Variants in AK5 observed in about 807,000 individuals in gnomAD.
AK5 encodes the protein adenylate kinase isoenzyme 5.
Under a neutral mutation model 69.5 loss-of-function variants are expected in AK5, and 27 were observed. The observed-to-expected ratio is 0.39, with a 90% CI of 0.29 to 0.54. The LOEUF is 0.54. Among genes scored for constraint, AK5 ranks in the 20% least tolerant of loss-of-function variants. AK5 has a pLI of 0.71. For synonymous variants in AK5, 260 were observed against 244.4 expected, an observed-to-expected ratio of 1.06 and a Z score of -0.60; for missense variants, 531 against 700.4, an observed-to-expected ratio of 0.76 and a Z score of 2.73.
chr1:77,390,406 T>G (rs190177254), intron 6 of AK5, among the ~76,000 whole-genome samples: 26 of 152,364 alleles, frequency 1.7e-4, no homozygotes, highest in Non-Finnish European at 2.9e-4. Flanking sequence ...CTACTGCATA[T>G]ATGTTGGATG....
chr1:77,482,524 G>C (rs532070668), intron 8 of AK5, among the ~76,000 whole-genome samples: 1 of 152,270 alleles, frequency 6.6e-6, no homozygotes, highest in African/African-American at 2.4e-5. Context: ...TGTAATCCCA[G>C]CACTTTGAAA....
chr1:77,497,260 C>G (rs1311248118), intron 10 of AK5, among the ~76,000 whole-genome samples: 1 of 152,034 alleles, frequency 6.6e-6, no homozygotes, highest in African/African-American at 2.4e-5. Flanking sequence ...AGACCATGAA[C>G]CCACCGGGAG....
At chr1:77,289,954 C>T (rs1243256152) in intron 2 of AK5, among the ~76,000 whole-genome samples, 1 of 149,226 alleles carries the variant, frequency 6.7e-6, no homozygotes, top group Non-Finnish European at 1.5e-5. Flanking sequence ...ATATTGGGTA[C>T]ACAAATTGTG....
chr1:77,351,052 G>A (rs182150354), intron 6 of AK5, among the ~76,000 whole-genome samples: 10 of 152,298 alleles, frequency 6.6e-5, no homozygotes, highest in Admixed American at 4.6e-4. Context: ...AAAGCACTGT[G>A]CAATAATTGG....
intron 6 of AK5, among the ~76,000 whole-genome samples, chr1:77,392,008 A>G (rs1648520476): frequency 2.0e-5 from 3 of 152,376 alleles, no homozygotes; most frequent in African/African-American, 7.2e-5. Flanking sequence ...CGTAGACTCC[A>G]ACATACTCCT....
intron 8 of AK5, among the ~76,000 whole-genome samples, chr1:77,475,923 G>A (rs752721386): frequency 6.6e-6 from 1 of 152,022 alleles, no homozygotes; most frequent in Non-Finnish European, 1.5e-5. Flanking sequence ...AGTTGAACAC[G>A]TATTTGAGAT....
intron 6 of AK5, among the ~76,000 whole-genome samples, chr1:77,390,885 C>T (rs1366250504): frequency 1.3e-5 from 2 of 152,112 alleles, no homozygotes; most frequent in Non-Finnish European, 2.9e-5. Context: ...TGTACAATCA[C>T]TTTGGAAGAA....
chr1:77,381,028 T>C (rs1647593860), intron 6 of AK5, among the ~76,000 whole-genome samples: 1 of 152,236 alleles, frequency 6.6e-6, no homozygotes, highest in Admixed American at 6.5e-5. Flanking sequence ...CTCGGAGCAT[T>C]AATTCTCTCT....
chr1:77,298,652 A>C (rs867377132), intron 5 of AK5, among the ~76,000 whole-genome samples: 2,606 of 145,678 alleles, frequency 0.018, 65 homozygotes, highest in African/African-American at 0.059. Context: ...AAAAAAAAAA[A>C]CCACACACAC....
chr1:77,436,980 G>A (rs1481522556), intron 8 of AK5, among the ~76,000 whole-genome samples: 6 of 151,990 alleles, frequency 3.9e-5, no homozygotes, highest in South Asian at 2.1e-4. Flanking sequence ...AACAAAGATC[G>A]TTCTCTTTTT....
At chr1:77,529,022 T>G (rs1658430849) in intron 12 of AK5, among the ~76,000 whole-genome samples, 1 of 152,240 alleles carries the variant, frequency 6.6e-6, no homozygotes, top group Non-Finnish European at 1.5e-5. Context: ...AATAAGTCTT[T>G]ACAGTTTTTT....
At chr1:77,299,372 A>T (rs1659209019) in intron 5 of AK5, among the ~76,000 whole-genome samples, 1 of 151,484 alleles carries the variant, frequency 6.6e-6, no homozygotes, top group African/African-American at 2.4e-5. Flanking sequence ...CAGATATCGT[A>T]TTAAACAGTA....
intron 5 of AK5, among the ~76,000 whole-genome samples, chr1:77,331,097 G>T (rs1661063424): frequency 6.6e-6 from 1 of 151,880 alleles, no homozygotes; most frequent in East Asian, 1.9e-4. Context: ...TGCAGACCAT[G>T]CTAAATTTGC....
At chr1:77,523,311 G>C (rs538527268) in intron 12 of AK5, among the ~76,000 whole-genome samples, 15 of 152,270 alleles carry the variant, frequency 9.9e-5, no homozygotes, top group Admixed American at 3.3e-4. Flanking sequence ...CAGCAAGATG[G>C]GGGTGGGCAG....
chr1:77,557,470 T>A (rs1028861083), intron 13 of AK5: 1 of 153,906 alleles, frequency 6.5e-6, no homozygotes, highest in Non-Finnish European at 1.5e-5. Context: ...GATACAGGTG[T>A]AATGGAACAA....
intron 3 of AK5, among the ~76,000 whole-genome samples, chr1:77,294,923 G>A (rs930931096): frequency 7.9e-5 from 12 of 151,902 alleles, no homozygotes; most frequent in African/African-American, 2.9e-4. Flanking sequence ...CAACTATTTG[G>A]GAGGCTGAGG....
At chr1:77,396,469 G>A (rs532473722) in intron 6 of AK5, among the ~76,000 whole-genome samples, 1 of 152,280 alleles carries the variant, frequency 6.6e-6, no homozygotes, top group Admixed American at 6.5e-5. Context: ...AATCAAGCCT[G>A]TCATAGCCAT....
chr1:77,431,725 C>T (rs928610302), intron 8 of AK5, among the ~76,000 whole-genome samples: 1 of 152,044 alleles, frequency 6.6e-6, no homozygotes, highest in African/African-American at 2.4e-5. Context: ...AATTCTCTAA[C>T]AGAAAATGAT....
At chr1:77,419,513 A>T (rs10735750) in intron 8 of AK5, among the ~76,000 whole-genome samples, 122,449 of 151,950 alleles carry the variant, frequency 0.81, 49,702 homozygotes, top group Middle Eastern at 0.9. Flanking sequence ...AAAAGAAGAA[A>T]GAAAAAGGGA....
Sources: gnomAD v4.1 joint callset for allele counts (sites outside exome capture counted in the v4.1 genomes callset) on GRCh38, gnomAD v4.1.1 for gene constraint, MANE v1.5 for transcripts, NCBI Gene and HGNC (gene_info 2026-07-23, HGNC 2026-07-21) for gene names.